Variants in ABHD12B observed in about 807,000 individuals in gnomAD.
ABHD12B encodes the protein abhydrolase domain containing 12B.
Under a neutral mutation model 50.4 loss-of-function variants are expected in ABHD12B, and 42 were observed. That is an observed-to-expected ratio of 0.83 (90% CI 0.65 to 1.08). The LOEUF (loss-of-function observed/expected upper bound fraction) is 1.08, where lower values mean the gene tolerates loss of function less well. ABHD12B is among the 50% of genes least tolerant of loss of function. The pLI is 0.00. For missense variants in ABHD12B, 479 were observed against 447.7 expected (o/e 1.07, Z -0.63); for synonymous variants, 167 against 160.3 (o/e 1.04, Z -0.32).
chr14:50,876,705 G>A (rs1159181919), intron 1 of ABHD12B, among the ~76,000 whole-genome samples: 1 of 152,126 alleles, frequency 6.6e-6, no homozygotes, highest in Non-Finnish European at 1.5e-5. Context: ...TTGTGACCTT[G>A]GAAAGATTAC....
chr14:50,884,054 A>G (rs1205424005), intron 5 of ABHD12B, among the ~76,000 whole-genome samples: 1 of 152,178 alleles, frequency 6.6e-6, no homozygotes, highest in Non-Finnish European at 1.5e-5. Context: ...AGCCAGTTTA[A>G]AAGGTTGTGT....
At chr14:50,886,440 C>CAAAA (rs534954967) in intron 7 of ABHD12B, among the ~76,000 whole-genome samples, 4 of 62,926 alleles carry the variant, frequency 6.4e-5, no homozygotes, top group African/African-American at 1.2e-4. Flanking sequence ...GCTCTGTCTC[C>CAAAA]AAAAAAAAAA....
At chr14:50,896,180 T>C (rs28460751) in intron 9 of ABHD12B, among the ~76,000 whole-genome samples, 3,836 of 152,208 alleles carry the variant, frequency 0.025, 71 homozygotes, top group East Asian at 0.09. Flanking sequence ...TCCTGCAGCA[T>C]GCTTTAAAAA....
chr14:50,873,566 C>A (rs1321064815), intron 1 of ABHD12B, among the ~76,000 whole-genome samples: 1 of 152,148 alleles, frequency 6.6e-6, no homozygotes. Context: ...GTGCTGGCAG[C>A]TCTGCAGGGG....
chr14:50,882,381 T>TTTTTTTTTTTTTTTTTG lies in ABHD12B; in HGVS notation c.486+768_486+769insTTTGTTTTTTTTTTTTT, dbSNP rs1555323508. 6.0e-5 allele frequency among the ~76,000 whole-genome samples: 8 copies of TTTTTTTTTTTTTTTTTG among 132,534 alleles called. 1 individual carries two copies. The highest frequency in any genetic ancestry group is 2.3e-4 in the African/African-American group (8 of 34,102). The allele number at this position is 132,534 out of a possible 152,430, so 86.9% of individuals were successfully genotyped here. On this transcript the variant is annotated intron_variant, in intron 5 of 12. Transcript: ENST00000337334. ...AAGACACAGAATGTCTGCTTTTTTT[T>TTTTTTTTTTTTTTTTTG]TTTTTTTTTTTTTGAGACGGAGTCT...
chr14:50,900,407 T>G (rs1036126571), intron 9 of ABHD12B, among the ~76,000 whole-genome samples: 30 of 152,166 alleles, frequency 2.0e-4, no homozygotes, highest in Admixed American at 1.9e-3. Context: ...CTTTTCTAGT[T>G]TTTGAGGACA....
intron 9 of ABHD12B, chr14:50,892,315 G>GA: frequency 1.4e-6 from 1 of 718,572 alleles, no homozygotes; most frequent in Non-Finnish European, 1.7e-6. Flanking sequence ...TGTTCTTCAG[G>GA]AAAAAATCCA....
chr14:50,887,250 T>C (rs1252280967), intron 8 of ABHD12B, among the ~76,000 whole-genome samples: 3 of 132,202 alleles, frequency 2.3e-5, no homozygotes, highest in East Asian at 4.6e-4. Flanking sequence ...AGTGATATCA[T>C]ATTAATTTAA....
At chr14:50,886,510 T>C (rs1201166872) in intron 7 of ABHD12B, 137 bp from the exon 8 acceptor site, 1 of 713,800 alleles carries the variant, frequency 1.4e-6, no homozygotes, top group Non-Finnish European at 2.4e-6. Flanking sequence ...GGAACCCTTT[T>C]AAATAGCGTG....
At chr14:50,903,250 T>C (rs1385781130) in intron 10 of ABHD12B, 139 bp from the exon 11 acceptor site, 4 of 576,494 alleles carry the variant, frequency 6.9e-6, no homozygotes, top group African/African-American at 5.8e-5. Context: ...ATGTATGATA[T>C]TGTTATTCCT....
chr14:50,890,591 C>T (rs1443677545), intron 9 of ABHD12B, among the ~76,000 whole-genome samples: 1 of 151,612 alleles, frequency 6.6e-6, no homozygotes, highest in Non-Finnish European at 1.5e-5. Context: ...TTTTTTTCAC[C>T]CAACATTATA....
rs1017081764 is a variant in ABHD12B at position 50,899,776 on chromosome 14, C to T, written c.781-2053C>T. On this transcript the variant is annotated intron_variant, in intron 9 of 12. Transcript: ENST00000337334. ...CATCTCTACTAAAAATACAAAATTA[C>T]CTGGGCGTGGTGATGCATGCCTGTA... 9.2e-5 allele frequency among the ~76,000 whole-genome samples: 14 copies of T among 151,898 alleles called. 1 individual carries two copies. The highest frequency in any genetic ancestry group is 2.7e-4 in the African/African-American group (11 of 41,352).
chr14:50,878,013 A>G lies in ABHD12B; in HGVS notation c.166A>G (p.Thr56Ala), dbSNP rs760744169. The change falls in exon 2 of 13, where the codon ACT becomes GCT. Residue 56 changes from threonine (T) to alanine (A), a missense_variant. Transcript: ENST00000337334. ...AATTGCTGCTCTGTATGACAGCTTT[A>G]CTAGTAAATCCTTAAAAGAACACGT... ...RKIAALYDSF[T>A]SKSLKEHVFL... 17 of 1,535,100 alleles carry G rather than the reference A, an allele frequency of 1.1e-5. No individual in the cohort carries two copies. Among genetic ancestry groups the G allele is most frequent in the South Asian group, 3.6e-5 (3 of 83,776 alleles).
chr14:50,904,432 C>A lies in ABHD12B; in HGVS notation c.*66C>A, dbSNP rs11157781. 1 of 1,603,640 alleles carries A rather than the reference C, an allele frequency of 6.2e-7. No homozygotes were observed. ...AACACCACCTGTGATGTATATTGTT[C>A]TAATGTAAAATTGTACTGGGCTGGT... On this transcript the variant is annotated 3_prime_UTR_variant, in exon 13 of 13. Coordinates refer to ENST00000337334, the MANE Select transcript of ABHD12B (RefSeq NM_001206673.2).
chr14:50,900,025 GC>G (rs768129640), intron 9 of ABHD12B, among the ~76,000 whole-genome samples: 1 of 151,934 alleles, frequency 6.6e-6, no homozygotes, highest in Non-Finnish European at 1.5e-5. Context: ...ATGGCTTTGA[GC>G]CCAGGAGTTC....
intron 5 of ABHD12B, among the ~76,000 whole-genome samples, chr14:50,882,232 G>A (rs915262809): frequency 6.8e-5 from 9 of 131,968 alleles, no homozygotes; most frequent in Admixed American, 4.5e-4. Flanking sequence ...CACCTCACCC[G>A]GCTGACGTTT....
At chr14:50,888,795 A>C in intron 8 of ABHD12B, 29 bp from the exon 9 acceptor site, 1 of 1,574,422 alleles carries the variant, frequency 6.4e-7, no homozygotes, top group Non-Finnish European at 8.7e-7. Context: ...GGAGTTACTG[A>C]TTTCTTTCTT....
chr14:50,900,678 C>T (rs866188861), intron 9 of ABHD12B, among the ~76,000 whole-genome samples: 4 of 152,138 alleles, frequency 2.6e-5, no homozygotes, highest in African/African-American at 9.7e-5. Context: ...ATAGAGATCT[C>T]AGGCTGGGGT....
Position 50,894,832 on chromosome 14 carries a change from A to G in ABHD12B, c.780+5929A>G, listed in dbSNP as rs991010337. Among the ~76,000 whole-genome samples, 8 of 147,976 alleles carry G rather than the reference A, an allele frequency of 5.4e-5. 1 individual carries two copies. The highest frequency in any genetic ancestry group is 2.1e-4 in the African/African-American group (8 of 37,638). ...AGTCTTTCTAATCTTCCTTTTCTAC[A>G]GACCCGTCTGACCTCTCCCCTCCTC... On this transcript the variant is annotated intron_variant, in intron 9 of 12. Coordinates refer to ENST00000337334, the MANE Select transcript of ABHD12B (RefSeq NM_001206673.2).
Sources: allele counts gnomAD v4.1 joint callset (sites outside exome capture counted in the v4.1 genomes callset), GRCh38; gene constraint gnomAD v4.1.1; transcripts MANE v1.5; gene names NCBI Gene and HGNC (gene_info 2026-07-23, HGNC 2026-07-21).